Variants in CCDC149 observed in about 807,000 individuals in gnomAD.
CCDC149 encodes coiled-coil domain-containing protein 149.
Under a neutral mutation model 59.9 loss-of-function variants are expected in CCDC149, and 45 were observed. The ratio of observed to expected loss-of-function variants is 0.75; its 90% CI spans 0.59 to 0.96. The LOEUF (loss-of-function observed/expected upper bound fraction) is 0.96, where lower values mean the gene tolerates loss of function less well. Ranked by LOEUF, CCDC149 falls within the 40% of genes least tolerant of loss-of-function variation. The pLI is 0.00. For missense variants in CCDC149, 584 were observed against 664.7 expected (o/e 0.88, Z 1.33); for synonymous variants, 245 against 260.6 (o/e 0.94, Z 0.58).
At chr4:24,890,531 T>C (rs1049331468) in intron 1 of CCDC149, among the ~76,000 whole-genome samples, 5 of 152,200 alleles carry the variant, frequency 3.3e-5, no homozygotes, top group Non-Finnish European at 4.4e-5. Flanking sequence ...CCAATCTTAT[T>C]ATCACAGTAA....
intron 12 of CCDC149, among the ~76,000 whole-genome samples, chr4:24,814,576 C>T (rs1402004086): frequency 1.3e-5 from 2 of 152,156 alleles, no homozygotes; most frequent in East Asian, 1.9e-4. Flanking sequence ...GGGTCTCAGG[C>T]CCTACTCCAG....
intron 1 of CCDC149, among the ~76,000 whole-genome samples, chr4:24,968,388 C>T (rs73250663): frequency 0.012 from 1,879 of 152,312 alleles, 22 homozygotes; most frequent in Middle Eastern, 0.02. Context: ...GATGCATTCA[C>T]GGGTAACAAA....
rs141934814 is a variant in CCDC149 at position 24,950,738 on chromosome 4, A to G, written c.-65+29331T>C. ...TTATTTTTCATTTACTCATTCATTC[A>G]CGTATTCAATAAACACATTTTTTCC... is the stretch of plus-strand genomic sequence containing the variant. On this transcript the variant is annotated intron_variant, in intron 1 of 12. Transcript: ENST00000389609. Among the ~76,000 whole-genome samples, 162 of 152,288 alleles carry G rather than the reference A, an allele frequency of 1.1e-3. 3 individuals carry two copies. The East Asian group carries it at 0.026, about 25-fold the overall frequency.
At chr4:24,905,370 T>C (rs1252893682) in intron 1 of CCDC149, among the ~76,000 whole-genome samples, 1 of 152,030 alleles carries the variant, frequency 6.6e-6, no homozygotes, top group East Asian at 1.9e-4. Flanking sequence ...TGATAACTTA[T>C]CTTTTTCATG....
chr4:24,853,173 G>T lies in CCDC149; in HGVS notation c.271C>A (p.Leu91Ile). Residue 91 changes from leucine (L) to isoleucine (I), a missense_variant, in exon 4 of 13, where the codon CTT becomes ATT. Coordinates refer to ENST00000635206, the MANE Select transcript of CCDC149 (RefSeq NM_001330643.2). ...TGAGAATCTCTCAATAGTTGTGCAA[G>T]ATTAGCCTAGAAATATCAACACATT... 1.9e-6 allele frequency: 3 copies of T among 1,601,792 alleles called. No homozygotes were observed. The highest frequency in any genetic ancestry group is 2.6e-6 in the Non-Finnish European group (3 of 1,169,068).
intron 1 of CCDC149, among the ~76,000 whole-genome samples, chr4:24,897,878 A>G (rs1187706889): frequency 6.6e-6 from 1 of 152,226 alleles, no homozygotes; most frequent in Non-Finnish European, 1.5e-5. Context: ...TGCATGCTGC[A>G]AAGTCTGGCA....
chr4:24,894,250 C>T (rs1040370408), intron 1 of CCDC149, among the ~76,000 whole-genome samples: 1 of 152,116 alleles, frequency 6.6e-6, no homozygotes, highest in Non-Finnish European at 1.5e-5. Context: ...GGCTGGCACA[C>T]TGCAAATGGA....
At chr4:24,966,428 A>G (rs1723806252) in intron 1 of CCDC149, among the ~76,000 whole-genome samples, 1 of 151,882 alleles carries the variant, frequency 6.6e-6, no homozygotes. Context: ...TGTTGTCCTT[A>G]CCCCATATAT....
chr4:24,896,062 C>T (rs1331589380), intron 1 of CCDC149, among the ~76,000 whole-genome samples: 1 of 152,202 alleles, frequency 6.6e-6, no homozygotes, highest in African/African-American at 2.4e-5. Flanking sequence ...GGGTTCCCAG[C>T]ACAAACCTGG....
chr4:24,848,635 G>A (rs1358906509), intron 4 of CCDC149, among the ~76,000 whole-genome samples: 2 of 151,982 alleles, frequency 1.3e-5, no homozygotes, highest in Admixed American at 6.5e-5. Context: ...CAGTGATGCT[G>A]GCAACTTGGA....
chr4:24,873,099 C>A (rs1340157789), intron 3 of CCDC149, among the ~76,000 whole-genome samples: 1 of 151,930 alleles, frequency 6.6e-6, no homozygotes, highest in Non-Finnish European at 1.5e-5. Context: ...GGTATGCACC[C>A]AACAAATGGT....
chr4:24,905,383 CTATA>C (rs754659433), intron 1 of CCDC149, among the ~76,000 whole-genome samples: 70 of 149,926 alleles, frequency 4.7e-4, no homozygotes, highest in South Asian at 8.5e-4. Context: ...TTTTCATGTC[CTATA>C]TAGTCTTCTT....
intron 1 of CCDC149, among the ~76,000 whole-genome samples, chr4:24,902,763 CTTGAATCCCAGCAG>C (rs1419480103): frequency 1.3e-5 from 2 of 152,074 alleles, no homozygotes; most frequent in African/African-American, 4.8e-5. Flanking sequence ...TGGCTCACAC[CTTGAATCCCAGCAG>C]TTTGGGAGGC....
At chr4:24,869,023 C>T (rs1015963887) in intron 3 of CCDC149, among the ~76,000 whole-genome samples, 2 of 152,178 alleles carry the variant, frequency 1.3e-5, no homozygotes, top group Admixed American at 6.5e-5. Flanking sequence ...GCACAGCAGC[C>T]GGCACTTGGT....
chr4:24,880,572 A>AT (rs531120970), intron 1 of CCDC149, among the ~76,000 whole-genome samples: 20 of 152,208 alleles, frequency 1.3e-4, no homozygotes, highest in Non-Finnish European at 2.5e-4. Flanking sequence ...AAAATGTCCC[A>AT]TTTTTTATCC....
intron 1 of CCDC149, among the ~76,000 whole-genome samples, chr4:24,956,603 T>C (rs1024306946): frequency 1.3e-5 from 2 of 152,142 alleles, no homozygotes; most frequent in Non-Finnish European, 1.5e-5. Context: ...CGAGAAGTAC[T>C]ATGGATGCCA....
intron 1 of CCDC149, among the ~76,000 whole-genome samples, chr4:24,978,602 G>A (rs1183300266): frequency 1.3e-5 from 2 of 152,104 alleles, no homozygotes; most frequent in Admixed American, 1.3e-4. Context: ...GGGGTAGGAT[G>A]GCATTTGGAA....
At chr4:24,814,305 G>A (rs1256206321) in intron 12 of CCDC149, among the ~76,000 whole-genome samples, 2 of 152,188 alleles carry the variant, frequency 1.3e-5, no homozygotes, top group Admixed American at 6.5e-5. Context: ...GTTCAGCCAG[G>A]ATAAGGTATG....
chr4:24,810,149 G>A (rs996590232), intron 12 of CCDC149, among the ~76,000 whole-genome samples: 2 of 152,056 alleles, frequency 1.3e-5, no homozygotes, highest in East Asian at 3.9e-4. Flanking sequence ...CCCAGCTAAC[G>A]CTTATTGGGT....
Sources: allele counts gnomAD v4.1 joint callset (sites outside exome capture counted in the v4.1 genomes callset), GRCh38; gene constraint gnomAD v4.1.1; transcripts MANE v1.5; gene names NCBI Gene and HGNC (gene_info 2026-07-23, HGNC 2026-07-21).